Variants in IL1RAPL2 observed in about 807,000 individuals in gnomAD.
IL1RAPL2 encodes the protein X-linked interleukin-1 receptor accessory protein-like 2.
Under a neutral mutation model 44.1 loss-of-function variants are expected in IL1RAPL2, and 3 were observed. That is an observed-to-expected ratio of 0.07 (90% CI 0.03 to 0.18). The LOEUF is 0.18. IL1RAPL2 is among the 10% of genes least tolerant of loss of function. The pLI, the probability that IL1RAPL2 is intolerant of heterozygous loss-of-function variation, is 1.00. For synonymous variants in IL1RAPL2, 181 were observed against 178.8 expected, an observed-to-expected ratio of 1.01 and a Z score of -0.10; for missense variants, 391 against 496.4, an observed-to-expected ratio of 0.79 and a Z score of 2.02.
rs201112831 is a variant in IL1RAPL2 at position 104,892,276 on chromosome X, T to C, written c.82+233281T>C. Reference sequence around the variant, plus strand: ...ATTCTCTTTTTTTGTTGTGTCTCTGTCAGGCTTTGGTATCAGGATGATACT... The same window carrying C: ...ATTCTCTTTTTTTGTTGTGTCTCTGCCAGGCTTTGGTATCAGGATGATACT... On this transcript the variant is annotated intron_variant, in intron 2 of 10. Transcript: ENST00000372582. Among the ~76,000 whole-genome samples, 68 of 111,671 alleles carry C rather than the reference T, an allele frequency of 6.1e-4. 2 individuals are homozygous for C. In the East Asian group the frequency reaches 0.014, roughly 24 times the overall value.
intron 6 of IL1RAPL2, among the ~76,000 whole-genome samples, chrX:105,647,523 G>A (rs193300031): frequency 1.0e-3 from 111 of 111,436 alleles, no homozygotes; most frequent in South Asian, 4.6e-3. Context: ...TACCTGATGC[G>A]TCAGGTGTCA....
At chrX:105,486,145 A>G (rs1318744684) in intron 6 of IL1RAPL2, among the ~76,000 whole-genome samples, 1 of 111,721 alleles carries the variant, frequency 9.0e-6, no homozygotes, top group Non-Finnish European at 1.9e-5. Context: ...TTTTGGATGA[A>G]AGCCATTTTA....
chrX:105,538,146 C>A (rs1278401499), intron 6 of IL1RAPL2, among the ~76,000 whole-genome samples: 1 of 105,582 alleles, frequency 9.5e-6, no homozygotes, highest in East Asian at 3.0e-4. Context: ...ACGCCATTCT[C>A]CTGCCTCAGT....
At chrX:105,549,860 T>C (rs186165674) in intron 6 of IL1RAPL2, among the ~76,000 whole-genome samples, 1 of 112,053 alleles carries the variant, frequency 8.9e-6, no homozygotes, top group African/African-American at 3.2e-5. Context: ...TTCTAAATCT[T>C]AGGCTGCAGT....
intron 5 of IL1RAPL2, among the ~76,000 whole-genome samples, chrX:105,321,509 G>A (rs757148570): frequency 2.7e-5 from 3 of 112,307 alleles, no homozygotes; most frequent in Non-Finnish European, 3.8e-5. Context: ...CAAAAGCAGA[G>A]CATTAAACCA....
intron 2 of IL1RAPL2, among the ~76,000 whole-genome samples, chrX:104,880,799 CCTTT>C (rs1923046145): frequency 1.8e-5 from 2 of 112,046 alleles, no homozygotes; most frequent in African/African-American, 3.2e-5. Context: ...CAAAACTATA[CCTTT>C]CTGTTTTCCA....
chrX:105,074,900 A>G (rs1258577908), intron 2 of IL1RAPL2, among the ~76,000 whole-genome samples: 8 of 111,072 alleles, frequency 7.2e-5, no homozygotes, highest in African/African-American at 2.6e-4. Flanking sequence ...TTGTAACCTG[A>G]GACTTTGCTG....
At chrX:105,192,670 G>A (rs1603000668) in intron 2 of IL1RAPL2, among the ~76,000 whole-genome samples, 1 of 111,205 alleles carries the variant, frequency 9.0e-6, no homozygotes, top group South Asian at 3.8e-4. Flanking sequence ...TGGCACGTAG[G>A]CATTCATAGA....
chrX:105,701,395 T>G (rs1247756638), intron 6 of IL1RAPL2, among the ~76,000 whole-genome samples: 1 of 112,058 alleles, frequency 8.9e-6, no homozygotes, highest in Non-Finnish European at 1.9e-5. Flanking sequence ...GAATTTTCAC[T>G]ATAACAGCTA....
intron 2 of IL1RAPL2, among the ~76,000 whole-genome samples, chrX:105,111,932 A>G (rs1222848582): frequency 8.9e-6 from 1 of 111,978 alleles, no homozygotes; most frequent in African/African-American, 3.2e-5. Context: ...AAATTAAGAC[A>G]ATAATGTTAT....
At chrX:105,331,637 G>A (rs1322339442) in intron 5 of IL1RAPL2, among the ~76,000 whole-genome samples, 1 of 111,479 alleles carries the variant, frequency 9.0e-6, no homozygotes, top group Admixed American at 9.6e-5. Flanking sequence ...AATGATTTTT[G>A]TCAGCTTGTT....
chrX:104,658,565 G>T (rs942800474), intron 1 of IL1RAPL2, among the ~76,000 whole-genome samples: 2 of 112,255 alleles, frequency 1.8e-5, no homozygotes, highest in African/African-American at 6.5e-5. Context: ...GTATACCTAT[G>T]TGACAAACCT....
intron 2 of IL1RAPL2, among the ~76,000 whole-genome samples, chrX:104,665,219 C>T (rs943990070): frequency 9.0e-6 from 1 of 110,994 alleles, no homozygotes; most frequent in Non-Finnish European, 1.9e-5. Context: ...AAGTCTCACT[C>T]CCATGCCTAT....
At chrX:105,282,109 T>C (rs1411870026) in intron 5 of IL1RAPL2, among the ~76,000 whole-genome samples, 1 of 112,021 alleles carries the variant, frequency 8.9e-6, no homozygotes, top group Non-Finnish European at 1.9e-5. Flanking sequence ...AATTTGTCAA[T>C]TAAGGTGGTC....
intron 5 of IL1RAPL2, among the ~76,000 whole-genome samples, chrX:105,329,154 A>G (rs2034965875): frequency 1.8e-5 from 2 of 112,349 alleles, no homozygotes; most frequent in South Asian, 3.7e-4. Flanking sequence ...AACAGAACTG[A>G]TACATTGTTG....
Position 105,083,697 on chromosome X carries a change from A to T in IL1RAPL2, c.83-111778A>T, listed in dbSNP as rs990888181. 2.7e-5 allele frequency among the ~76,000 whole-genome samples: 3 copies of T among 112,081 alleles called. No homozygotes were observed. The East Asian group carries it at 8.4e-4, about 31-fold the overall frequency. ...TTAAAGAAAATAATTTTCATCCCAG[A>T]ATTTCATATCCAGCCAAATAAGTTT... On this transcript the variant is annotated intron_variant, in intron 2 of 10. Coordinates refer to ENST00000372582, the MANE Select transcript of IL1RAPL2 (RefSeq NM_017416.2).
chrX:105,267,393 C>G lies in IL1RAPL2; in HGVS notation c.549C>G (p.Cys183Trp). 1 of 1,195,180 alleles carries G rather than the reference C, an allele frequency of 8.4e-7. No homozygotes were observed. ...QEPDVVWYKE[C>W]KPKMWRSIII... is the part of the protein sequence containing the mutation. ...TGCAAATATTTTATCTGCAGGAATG[C>G]AAGCCAAAAATGTGGAGAAGCATAA... Residue 183 changes from cysteine (C) to tryptophan (W), a missense_variant, in exon 5 of 11, where the codon TGC (cysteine) becomes TGG (tryptophan). Transcript: ENST00000372582.
At chrX:105,115,691 A>G (rs2032849351) in intron 2 of IL1RAPL2, among the ~76,000 whole-genome samples, 1 of 113,008 alleles carries the variant, frequency 8.8e-6, no homozygotes, top group Non-Finnish European at 1.9e-5. Flanking sequence ...GGCTTCACCC[A>G]GTGGGTCCCG....
intron 2 of IL1RAPL2, among the ~76,000 whole-genome samples, chrX:104,973,331 C>A (rs1263294139): frequency 8.9e-6 from 1 of 111,885 alleles, no homozygotes; most frequent in Non-Finnish European, 1.9e-5. Context: ...GGTGGTCAGG[C>A]ACTCATCAGC....
Sources: allele counts gnomAD v4.1 joint callset (sites outside exome capture counted in the v4.1 genomes callset), GRCh38; gene constraint gnomAD v4.1.1; transcripts MANE v1.5; gene names NCBI Gene and HGNC (gene_info 2026-07-23, HGNC 2026-07-21).